MCPH1: variants seen among roughly 807,000 people sequenced by gnomAD.
MCPH1 encodes the protein microcephalin.
Under a neutral mutation model 84.5 loss-of-function variants are expected in MCPH1, and 104 were observed. That is an observed-to-expected ratio of 1.23 (90% CI 1.05 to 1.45). The LOEUF (loss-of-function observed/expected upper bound fraction) is 1.45. Among genes scored for constraint, MCPH1 ranks in the 40% most tolerant of loss-of-function variants. The probability of loss-of-function intolerance (pLI) is 0.00; values close to 1 mark genes in which losing one functional copy is unlikely to be tolerated. For missense variants in MCPH1, 1,498 were observed against 1,005.7 expected, an observed-to-expected ratio of 1.49 and a Z score of -6.62; for synonymous variants, 514 against 366.8, an observed-to-expected ratio of 1.40 and a Z score of -4.58.
At chr8:6,473,150 C>T (rs780273872) in intron 9 of MCPH1, among the ~76,000 whole-genome samples, 2 of 152,068 alleles carry the variant, frequency 1.3e-5, no homozygotes, top group East Asian at 3.9e-4. Flanking sequence ...AAGAAACAGG[C>T]TCATCAATAT....
At chr8:6,411,675 A>G (rs539846383) in intron 2 of MCPH1, among the ~76,000 whole-genome samples, 5 of 152,340 alleles carry the variant, frequency 3.3e-5, no homozygotes, top group African/African-American at 1.2e-4. Flanking sequence ...ATTATAATAC[A>G]TTGCTACAAT....
chr8:6,426,089 G>A (rs1315122233), intron 3 of MCPH1, among the ~76,000 whole-genome samples: 1 of 152,020 alleles, frequency 6.6e-6, no homozygotes, highest in African/African-American at 2.4e-5. Flanking sequence ...TTCCTTCCTC[G>A]TTCTCTTCCA....
At chr8:6,532,634 A>C (rs1376888220) in intron 12 of MCPH1, 1 of 668,984 alleles carries the variant, frequency 1.5e-6, no homozygotes, top group Non-Finnish European at 2.2e-6. Flanking sequence ...TTGGAATCTT[A>C]CTATTTTTTT....
chr8:6,528,782 T>G (rs182867102), intron 12 of MCPH1, among the ~76,000 whole-genome samples: 2 of 152,360 alleles, frequency 1.3e-5, no homozygotes, highest in African/African-American at 2.4e-5. Flanking sequence ...GAAAGAATCA[T>G]TGTTTGCTGG....
chr8:6,585,475 G>A (rs1827900021), intron 12 of MCPH1, among the ~76,000 whole-genome samples: 1 of 152,242 alleles, frequency 6.6e-6, no homozygotes, highest in African/African-American at 2.4e-5. Flanking sequence ...CATTGCAGCT[G>A]GAGCCATTGT....
chr8:6,491,805 C>A lies in MCPH1; in HGVS notation c.2137-8047C>A, dbSNP rs540598535. Among the ~76,000 whole-genome samples, 7 of 152,232 alleles carry A rather than the reference C, an allele frequency of 4.6e-5. No homozygotes were observed. The South Asian group carries it at 1.0e-3, about 23-fold the overall frequency. ...TCCATGTCCCTACAAAGGACATGAA[C>A]TCATCATATTTTATGGCTGCATAGT... is the stretch of plus-strand genomic sequence containing the variant. On this transcript the variant is annotated intron_variant, in intron 11 of 13. Coordinates refer to ENST00000344683, the MANE Select transcript of MCPH1 (RefSeq NM_024596.5).
At chr8:6,490,199 A>G (rs1810406679) in intron 11 of MCPH1, among the ~76,000 whole-genome samples, 1 of 152,234 alleles carries the variant, frequency 6.6e-6, no homozygotes, top group Non-Finnish European at 1.5e-5. Context: ...TCTGCCAGAC[A>G]TCTGAACTTT....
At chr8:6,609,353 G>A (rs377050410) in intron 12 of MCPH1, among the ~76,000 whole-genome samples, 31 of 152,268 alleles carry the variant, frequency 2.0e-4, no homozygotes, top group East Asian at 1.4e-3. Flanking sequence ...CATATTTCTC[G>A]CAGTTGTTGA....
At chr8:6,585,138 C>T (rs1827867349) in intron 12 of MCPH1, among the ~76,000 whole-genome samples, 1 of 152,200 alleles carries the variant, frequency 6.6e-6, no homozygotes, top group East Asian at 1.9e-4. Flanking sequence ...AAGACAGTGT[C>T]TCTGTTTTCC....
chr8:6,572,865 T>G (rs911839611), intron 12 of MCPH1, among the ~76,000 whole-genome samples: 1 of 152,188 alleles, frequency 6.6e-6, no homozygotes, highest in African/African-American at 2.4e-5. Context: ...ACGGGAAGCC[T>G]CCCAAACCAC....
At chr8:6,506,280 C>T (rs1813712795) in intron 12 of MCPH1, among the ~76,000 whole-genome samples, 1 of 151,920 alleles carries the variant, frequency 6.6e-6, no homozygotes, top group Non-Finnish European at 1.5e-5. Flanking sequence ...AATGGAGCTG[C>T]TCATTAGGCT....
intron 12 of MCPH1, among the ~76,000 whole-genome samples, chr8:6,537,512 C>A (rs1386530521): frequency 6.6e-6 from 1 of 151,672 alleles, no homozygotes; most frequent in African/African-American, 2.4e-5. Context: ...CGCATCGAAA[C>A]TCAAGCAACC....
chr8:6,592,245 G>A (rs924721026), intron 12 of MCPH1, among the ~76,000 whole-genome samples: 2 of 151,740 alleles, frequency 1.3e-5, no homozygotes, highest in Non-Finnish European at 2.9e-5. Context: ...TCAACCTCTC[G>A]GGCTCAAGTG....
chr8:6,532,528 G>A (rs750750497), intron 12 of MCPH1: 1 of 1,486,890 alleles, frequency 6.7e-7, no homozygotes, highest in Non-Finnish European at 9.0e-7. Flanking sequence ...TTAGTCAAAT[G>A]ACCGGAAACC....
At chr8:6,559,126 T>C (rs1825108476) in intron 12 of MCPH1, among the ~76,000 whole-genome samples, 1 of 152,076 alleles carries the variant, frequency 6.6e-6, no homozygotes, top group African/African-American at 2.4e-5. Context: ...CCAGTGGCTG[T>C]GAATGGGATG....
At chr8:6,606,866 A>T (rs753295040) in intron 12 of MCPH1, among the ~76,000 whole-genome samples, 7 of 152,142 alleles carry the variant, frequency 4.6e-5, no homozygotes, top group African/African-American at 7.2e-5. Flanking sequence ...TTCCCTGCAC[A>T]AGCTCTCTTC....
chr8:6,425,715 C>G (rs1037024647), intron 3 of MCPH1, among the ~76,000 whole-genome samples: 6 of 152,230 alleles, frequency 3.9e-5, no homozygotes, highest in African/African-American at 1.2e-4. Context: ...AGAATACTTA[C>G]TGGTTTTGTA....
chr8:6,447,428 T>C (rs2129556040), intron 8 of MCPH1: 1 of 985,350 alleles, frequency 1.0e-6, no homozygotes, highest in South Asian at 4.7e-5. Flanking sequence ...CACTTTTACT[T>C]GTTGCTGTTG....
At chr8:6,442,556 C>A (rs901267773) in intron 7 of MCPH1, among the ~76,000 whole-genome samples, 2 of 152,118 alleles carry the variant, frequency 1.3e-5, no homozygotes, top group African/African-American at 2.4e-5. Context: ...TAAAGATCGT[C>A]AATTGAGGAG....
Sources: allele counts gnomAD v4.1 joint callset (sites outside exome capture counted in the v4.1 genomes callset), GRCh38; gene constraint gnomAD v4.1.1; transcripts MANE v1.5; gene names NCBI Gene and HGNC (gene_info 2026-07-23, HGNC 2026-07-21).